NUP43: variants seen among roughly 807,000 people sequenced by gnomAD.
NUP43 encodes nucleoporin 43.
A neutral mutation model predicts 47.3 loss-of-function variants in NUP43; 32 were observed. That is an observed-to-expected ratio of 0.68 (90% CI 0.51 to 0.91). The LOEUF is 0.91. Among genes scored for constraint, NUP43 ranks in the 40% least tolerant of loss-of-function variants. The probability of loss-of-function intolerance (pLI) is 0.00; values close to 1 mark genes in which losing one functional copy is unlikely to be tolerated. For missense variants in NUP43, 444 were observed against 453.9 expected (o/e 0.98, Z 0.20); for synonymous variants, 147 against 158.4 (o/e 0.93, Z 0.54).
chr6:149,731,811 C>G (rs575900343), intron 6 of NUP43, 76 bp from the exon 7 acceptor site: 1 of 1,446,766 alleles, frequency 6.9e-7, no homozygotes, highest in East Asian at 2.3e-5. Context: ...CATCTCTAGG[C>G]ATCATCTTCC....
Sources: allele counts gnomAD v4.1 joint callset, GRCh38; gene constraint gnomAD v4.1.1; transcripts MANE v1.5; gene names NCBI Gene and HGNC (gene_info 2026-07-23, HGNC 2026-07-21).